PLCH1: variants seen among roughly 807,000 people sequenced by gnomAD.
The protein encoded by PLCH1 is 1-phosphatidylinositol 4,5-bisphosphate phosphodiesterase eta-1.
PLCH1 carries 60 observed loss-of-function variants against 126.7 expected under a neutral mutation model. That is an observed-to-expected ratio of 0.47 (90% CI 0.38 to 0.59). The LOEUF (loss-of-function observed/expected upper bound fraction) is 0.59. Among genes scored for constraint, PLCH1 ranks in the 20% least tolerant of loss-of-function variants. PLCH1 has a pLI of 0.00. For synonymous variants in PLCH1, 719 were observed against 734.9 expected (o/e 0.98, Z 0.35); for missense variants, 1,723 against 2,040.0 (o/e 0.84, Z 2.99).
At chr3:155,557,386 T>G (rs1423525215) in intron 8 of PLCH1, among the ~76,000 whole-genome samples, 2 of 152,192 alleles carry the variant, frequency 1.3e-5, no homozygotes, top group Non-Finnish European at 2.9e-5. Flanking sequence ...AGCAATACCT[T>G]GCCCGACTTG....
chr3:155,546,368 A>G (rs1413936883), intron 10 of PLCH1, among the ~76,000 whole-genome samples: 1 of 152,186 alleles, frequency 6.6e-6, no homozygotes, highest in Non-Finnish European at 1.5e-5. Context: ...ACTACAAACC[A>G]CTGCTCAAGG....
chr3:155,544,643 C>T (rs1724927260), intron 10 of PLCH1, among the ~76,000 whole-genome samples: 1 of 152,082 alleles, frequency 6.6e-6, no homozygotes, highest in African/African-American at 2.4e-5. Flanking sequence ...GGAAGTAAAG[C>T]TCTCCTCAGC....
intron 4 of PLCH1, among the ~76,000 whole-genome samples, chr3:155,588,164 C>T (rs922009702): frequency 2.0e-5 from 3 of 152,174 alleles, no homozygotes; most frequent in African/African-American, 4.8e-5. Context: ...TTTCAGATCG[C>T]CTTACTTCAT....
Position 155,566,366 on chromosome 3 carries a change from C to CAT in PLCH1, c.866-1250_866-1249dup, listed in dbSNP as rs1416340341. On this transcript the variant is annotated intron_variant, in intron 7 of 22. Transcript: ENST00000460012. ...ACATATATATACATATATATACACA[C>CAT]ATATATATATGTGTGTATATATATG... Among the ~76,000 whole-genome samples, 2 of 139,984 alleles carry CAT rather than the reference C, an allele frequency of 1.4e-5. 1 individual carries two copies. Among genetic ancestry groups the CAT allele is most frequent in the African/African-American group, 5.3e-5 (2 of 37,384 alleles). 91.8% of individuals were successfully genotyped at this position (139,984 alleles called of 152,430 possible). A position where few individuals can be genotyped will look rare whatever the true frequency, so the allele number is the denominator to read the frequency against.
At chr3:155,702,703 A>G (rs550423575) in intron 2 of PLCH1, among the ~76,000 whole-genome samples, 1 of 152,366 alleles carries the variant, frequency 6.6e-6, no homozygotes, top group Admixed American at 6.5e-5. Flanking sequence ...TTAAATCTAA[A>G]TTCTTTAAAA....
rs1452182983 is a variant in PLCH1 at position 155,514,722 on chromosome 3, C to A, written c.1632+1G>T. Reference sequence around the variant, plus strand: ...GATAAGTACAAGAGGGAATCAGATACCTGCTTCAGGTGTGCATTTAAGCCT... The same window carrying A: ...GATAAGTACAAGAGGGAATCAGATAACTGCTTCAGGTGTGCATTTAAGCCT... On this transcript the variant is annotated splice_donor_variant, in intron 12 of 22. Transcript: ENST00000460012. LOFTEE classifies it high-confidence loss of function. The A allele has an allele frequency of 6.6e-7, 1 of 1,523,738 alleles. No individual in the cohort carries two copies. The highest frequency in any genetic ancestry group is 8.9e-7 in the Non-Finnish European group (1 of 1,127,076). 94.4% of individuals were successfully genotyped at this position (1,523,738 alleles called of 1,614,324 possible).
In PLCH1 at chr3:155,485,401, C is replaced by T; in HGVS notation, c.2929G>A (p.Val977Ile). The change falls in exon 22 of 23, where the codon GTA becomes ATA. Residue 977 changes from valine to isoleucine, a missense_variant. This residue lies in a region of PLCH1 where 947 missense variants were observed against 977.1 expected (regional missense o/e 0.97). Transcript: ENST00000460012. ...TCAATGTCTTTTGCTGTTTCAGATA[C>T]AGGCAGCGACAAAGCTCCCAGAAGG... ...RNLLGALSLP[V>I]SETAKDIEGK... 6.2e-7 allele frequency: 1 copy of T among 1,609,270 alleles called. No individual in the cohort carries two copies. The highest frequency in any genetic ancestry group is 8.5e-7 in the Non-Finnish European group (1 of 1,175,836).
At chr3:155,674,016 TACA>T (rs1218083582) in intron 2 of PLCH1, among the ~76,000 whole-genome samples, 2 of 152,210 alleles carry the variant, frequency 1.3e-5, no homozygotes, top group East Asian at 3.8e-4. Context: ...CAGTAATTCT[TACA>T]ACAACCTTGT....
intron 2 of PLCH1, among the ~76,000 whole-genome samples, chr3:155,701,112 A>G (rs752898000): frequency 7.2e-5 from 11 of 152,188 alleles, no homozygotes; most frequent in Non-Finnish European, 1.6e-4. Context: ...GTTAAGCACT[A>G]TTTCCCAACC....
At chr3:155,614,187 AGG>A in intron 2 of PLCH1, among the ~76,000 whole-genome samples, 1 of 152,310 alleles carries the variant, frequency 6.6e-6, no homozygotes, top group Non-Finnish European at 1.5e-5. Context: ...GCTCATGGAC[AGG>A]TAGAATCAAT....
chr3:155,488,462 G>A (rs1048015201), intron 20 of PLCH1, among the ~76,000 whole-genome samples, 198 bp downstream of exon 20: 1 of 152,124 alleles, frequency 6.6e-6, no homozygotes, highest in African/African-American at 2.4e-5. Context: ...CTCCCAGAGT[G>A]CTGGGATTAC....
chr3:155,740,318 G>A (rs926986561), intron 1 of PLCH1, among the ~76,000 whole-genome samples: 2 of 151,486 alleles, frequency 1.3e-5, no homozygotes, highest in Non-Finnish European at 2.9e-5. Context: ...GGCTGAGGCA[G>A]GAGAATCACT....
chr3:155,463,267 C>T (rs1712797300), intron 21 of PLCH1, among the ~76,000 whole-genome samples: 1 of 152,192 alleles, frequency 6.6e-6, no homozygotes, highest in Admixed American at 6.5e-5. Context: ...AACTTTCTCT[C>T]TTATATTTTC....
At chr3:155,486,513 GTTT>G (rs397733786) in intron 21 of PLCH1, among the ~76,000 whole-genome samples, 4 of 102,030 alleles carry the variant, frequency 3.9e-5, no homozygotes, top group African/African-American at 4.3e-5. Context: ...GCTCAAGTTT[GTTT>G]TTTTTTTTTT....
chr3:155,527,217 C>A (rs1357597030), intron 10 of PLCH1, among the ~76,000 whole-genome samples: 1 of 152,214 alleles, frequency 6.6e-6, no homozygotes, highest in Non-Finnish European at 1.5e-5. Flanking sequence ...GGGATGGAGA[C>A]TTCCTTAAAC....
At chr3:155,744,687 A>G (rs1749861621) in intron 1 of PLCH1, among the ~76,000 whole-genome samples, 153 bp downstream of exon 1, 2 of 152,054 alleles carry the variant, frequency 1.3e-5, no homozygotes, top group Non-Finnish European at 2.9e-5. Flanking sequence ...CACGCACAGC[A>G]CTCACAGTCC....
chr3:155,618,113 T>C lies in PLCH1; in HGVS notation c.80-21735A>G, dbSNP rs143853859. Among the ~76,000 whole-genome samples, 454 of 152,348 alleles carry C rather than the reference T, an allele frequency of 3.0e-3. 3 individuals are homozygous for C. The highest frequency in any genetic ancestry group is 0.01 in the African/African-American group (423 of 41,584). On this transcript the variant is annotated intron_variant, in intron 2 of 22. Transcript: ENST00000460012. ...AGGCCAAATATAAGACTAAAACTTA[T>C]TTTTGCAAACAAATTGGTTCTACCA...
chr3:155,731,980 C>T (rs1326399423), intron 1 of PLCH1, among the ~76,000 whole-genome samples: 1 of 116,840 alleles, frequency 8.6e-6, no homozygotes, highest in Non-Finnish European at 1.6e-5. Context: ...AACAGAGACC[C>T]TGTCTCAAAA....
intron 2 of PLCH1, among the ~76,000 whole-genome samples, chr3:155,646,201 A>T (rs148432168): frequency 0.013 from 1,918 of 152,288 alleles, 16 homozygotes; most frequent in Non-Finnish European, 0.02. Context: ...AAGCATTAGG[A>T]TACAAAAAAA....
Sources: gnomAD v4.1 joint callset for allele counts (sites outside exome capture counted in the v4.1 genomes callset) on GRCh38, gnomAD v4.1.1 for gene constraint, gnomAD v4.1.1 regional missense constraint, MANE v1.5 for transcripts, NCBI Gene and HGNC (gene_info 2026-07-23, HGNC 2026-07-21) for gene names.